Variants in FAM107B observed in about 807,000 individuals in gnomAD.
FAM107B encodes family with sequence similarity 107 member B, also known as protein FAM107B.
Under a neutral mutation model 31.5 loss-of-function variants are expected in FAM107B, and 21 were observed. That is an observed-to-expected ratio of 0.67 (90% CI 0.47 to 0.96). The LOEUF is 0.96. FAM107B is among the 40% of genes least tolerant of loss of function. FAM107B has a pLI of 0.00. For missense variants in FAM107B, 452 were observed against 377.1 expected, an observed-to-expected ratio of 1.20 and a Z score of -1.64; for synonymous variants, 157 against 141.5, an observed-to-expected ratio of 1.11 and a Z score of -0.78.
At chr10:14,644,921 T>C (rs1853715829) in intron 2 of FAM107B, among the ~76,000 whole-genome samples, 1 of 152,202 alleles carries the variant, frequency 6.6e-6, no homozygotes, top group Non-Finnish European at 1.5e-5. Flanking sequence ...ATACATAGCA[T>C]ATCTGGTCTA....
intron 2 of FAM107B, among the ~76,000 whole-genome samples, chr10:14,648,624 C>T (rs1853825893): frequency 6.6e-6 from 1 of 152,206 alleles, no homozygotes; most frequent in Non-Finnish European, 1.5e-5. Context: ...TATTGAGACA[C>T]AGAGGACAGG....
At chr10:14,562,583 T>C (rs1850334029) in intron 2 of FAM107B, among the ~76,000 whole-genome samples, 2 of 152,188 alleles carry the variant, frequency 1.3e-5, no homozygotes, top group Non-Finnish European at 2.9e-5. Context: ...CAGATGATCA[T>C]CAAATTTGGA....
At chr10:14,700,620 C>T (rs1855374466) in intron 1 of FAM107B, among the ~76,000 whole-genome samples, 1 of 152,152 alleles carries the variant, frequency 6.6e-6, no homozygotes, top group East Asian at 1.9e-4. Context: ...TCATCCTGAG[C>T]TTGATCCATG....
intron 1 of FAM107B, among the ~76,000 whole-genome samples, chr10:14,672,368 G>A (rs1026930880): frequency 1.3e-5 from 2 of 152,116 alleles, no homozygotes; most frequent in Admixed American, 6.6e-5. Context: ...GATTACAGGC[G>A]TGAGCCACTG....
intron 2 of FAM107B, among the ~76,000 whole-genome samples, chr10:14,596,359 C>T (rs1335675813): frequency 6.6e-6 from 1 of 152,184 alleles, no homozygotes; most frequent in Non-Finnish European, 1.5e-5. Flanking sequence ...CATATAAACT[C>T]CATGCAGGCA....
At chr10:14,719,946 G>T (rs1423822257) in intron 1 of FAM107B, among the ~76,000 whole-genome samples, 1 of 152,186 alleles carries the variant, frequency 6.6e-6, no homozygotes, top group Non-Finnish European at 1.5e-5. Flanking sequence ...CATGGTGTGG[G>T]CTCTTTTCCT....
At chr10:14,727,797 G>A (rs1287385403) in intron 1 of FAM107B, among the ~76,000 whole-genome samples, 1 of 152,146 alleles carries the variant, frequency 6.6e-6, no homozygotes, top group Non-Finnish European at 1.5e-5. Context: ...ACATTTCCAT[G>A]CTTTAATAGC....
At chr10:14,717,047 G>A (rs568150439) in intron 1 of FAM107B, among the ~76,000 whole-genome samples, 7 of 152,224 alleles carry the variant, frequency 4.6e-5, no homozygotes, top group Admixed American at 1.3e-4. Context: ...CCGAGATAGC[G>A]CCACTGCACT....
intron 2 of FAM107B, among the ~76,000 whole-genome samples, chr10:14,553,745 A>T (rs1232297199): frequency 6.6e-6 from 1 of 152,246 alleles, no homozygotes; most frequent in African/African-American, 2.4e-5. Flanking sequence ...GCCTTAGTTC[A>T]GCAGCAAAAA....
intron 1 of FAM107B, among the ~76,000 whole-genome samples, chr10:14,770,165 T>C (rs1833268741): frequency 6.6e-6 from 1 of 152,148 alleles, no homozygotes; most frequent in Admixed American, 6.5e-5. Flanking sequence ...GTCACAATCA[T>C]CAGTGTTTCC....
At chr10:14,670,174 C>A (rs1436510867) in intron 1 of FAM107B, among the ~76,000 whole-genome samples, 4 of 152,184 alleles carry the variant, frequency 2.6e-5, no homozygotes, top group African/African-American at 4.8e-5. Context: ...GTGTTGGGAA[C>A]AAATGTTTTT....
intron 2 of FAM107B, among the ~76,000 whole-genome samples, chr10:14,580,309 G>A (rs1247114053): frequency 4.0e-5 from 6 of 151,852 alleles, no homozygotes; most frequent in Admixed American, 1.3e-4. Context: ...GCAGTGAGCC[G>A]AGATCATGCC....
chr10:14,724,430 C>A (rs1425044721), intron 1 of FAM107B, among the ~76,000 whole-genome samples: 1 of 152,160 alleles, frequency 6.6e-6, no homozygotes, highest in African/African-American at 2.4e-5. Context: ...GGGTTTATTT[C>A]TAAAATCTTA....
At chr10:14,532,905 CG>C (rs1431510358) in intron 2 of FAM107B, among the ~76,000 whole-genome samples, 1 of 152,070 alleles carries the variant, frequency 6.6e-6, no homozygotes, top group Non-Finnish European at 1.5e-5. Flanking sequence ...GACAGAAGAG[CG>C]GGCCGTGATC....
At chr10:14,584,496 A>G (rs1214890093) in intron 2 of FAM107B, among the ~76,000 whole-genome samples, 12 of 152,362 alleles carry the variant, frequency 7.9e-5, no homozygotes, top group African/African-American at 2.6e-4. Flanking sequence ...AGCCTGTAAG[A>G]TGCTGTGATC....
chr10:14,750,897 G>T (rs1011660597), intron 1 of FAM107B, among the ~76,000 whole-genome samples: 1 of 152,202 alleles, frequency 6.6e-6, no homozygotes, highest in African/African-American at 2.4e-5. Context: ...GCTGTGGGGT[G>T]CATGGGCAGA....
chr10:14,580,785 A>T (rs1458179001), intron 2 of FAM107B, among the ~76,000 whole-genome samples: 1 of 152,218 alleles, frequency 6.6e-6, no homozygotes, highest in Non-Finnish European at 1.5e-5. Flanking sequence ...ACTGAAAGAA[A>T]ATGCTAGCAG....
chr10:14,768,110 G>A (rs1833222554), intron 1 of FAM107B, among the ~76,000 whole-genome samples: 1 of 152,042 alleles, frequency 6.6e-6, no homozygotes, highest in Non-Finnish European at 1.5e-5. Flanking sequence ...CAAAAGAAGT[G>A]CACATTGAAA....
intron 1 of FAM107B, among the ~76,000 whole-genome samples, chr10:14,763,601 A>G (rs964328458): frequency 6.6e-6 from 1 of 152,188 alleles, no homozygotes; most frequent in Admixed American, 6.5e-5. Context: ...GGGTTCCGGC[A>G]AAAACTCAGT....
Sources: gnomAD v4.1 joint callset for allele counts (sites outside exome capture counted in the v4.1 genomes callset) on GRCh38, gnomAD v4.1.1 for gene constraint, MANE v1.5 for transcripts, NCBI Gene and HGNC (gene_info 2026-07-23, HGNC 2026-07-21) for gene names.